The following STK3 variants were observed in gnomAD, a reference collection of about 807,000 sequenced individuals.
STK3 encodes the protein serine/threonine kinase 3, also known as serine/threonine-protein kinase 3.
In STK3, 41 loss-of-function variants were observed where a neutral mutation model predicts 58.0. The observed-to-expected ratio is 0.71, with a 90% CI of 0.55 to 0.92. The LOEUF (loss-of-function observed/expected upper bound fraction) is 0.92. Ranked by LOEUF, STK3 falls within the 40% of genes least tolerant of loss-of-function variation. The probability of loss-of-function intolerance (pLI) is 0.00; values close to 1 mark genes in which losing one functional copy is unlikely to be tolerated. For missense variants in STK3, 479 were observed against 602.7 expected (o/e 0.79, Z 2.15); for synonymous variants, 170 against 191.0 (o/e 0.89, Z 0.91).
At chr8:98,573,160 G>C (rs889072584) in intron 8 of STK3, among the ~76,000 whole-genome samples, 1 of 152,186 alleles carries the variant, frequency 6.6e-6, no homozygotes, top group Non-Finnish European at 1.5e-5. Flanking sequence ...AAAGTTTCAG[G>C]AAGGTAAGGG....
At chr8:98,618,869 C>A (rs1416054592) in intron 6 of STK3, among the ~76,000 whole-genome samples, 1 of 150,368 alleles carries the variant, frequency 6.7e-6, no homozygotes, top group South Asian at 2.1e-4. Context: ...GAATCAATAT[C>A]GTGAAAAAGG....
At chr8:98,518,877 A>T (rs181650053) in intron 10 of STK3, among the ~76,000 whole-genome samples, 1 of 152,250 alleles carries the variant, frequency 6.6e-6, no homozygotes, top group East Asian at 1.9e-4. Flanking sequence ...TATGCCACAT[A>T]CACTTGAGTT....
At chr8:98,898,258 C>G (rs909832371) in intron 1 of STK3, among the ~76,000 whole-genome samples, 1 of 152,216 alleles carries the variant, frequency 6.6e-6, no homozygotes, top group African/African-American at 2.4e-5. Flanking sequence ...CTACCCTTCT[C>G]TGTGTGAAAG....
rs1819460764 is a variant in STK3, at chr8:98,456,011, A to C, written c.1318-11T>G. On this transcript the variant is annotated splice_polypyrimidine_tract_variant and intron_variant, in intron 10 of 10. Coordinates refer to ENST00000419617, the MANE Select transcript of STK3 (RefSeq NM_006281.4). ...ACTTAGATTTTTCAACTAGATACAG[A>C]AAGAAAGATACCAATACAATGAAAT... is the stretch of plus-strand genomic sequence containing the variant. 2.5e-6 allele frequency: 4 copies of C among 1,594,600 alleles called. No individual in the cohort carries two copies. The highest frequency in any genetic ancestry group is 1.8e-5 in the Admixed American group (1 of 56,954).
At chr8:98,383,499 T>C (rs952715701) in intron 1 of STK3, among the ~76,000 whole-genome samples, 1 of 152,270 alleles carries the variant, frequency 6.6e-6, no homozygotes, top group Non-Finnish European at 1.5e-5. Flanking sequence ...CTCTTGTGAA[T>C]ACTGGCTCAC....
intron 4 of STK3, among the ~76,000 whole-genome samples, chr8:98,744,164 G>A (rs1468522090): frequency 2.0e-5 from 3 of 152,132 alleles, no homozygotes; most frequent in Middle Eastern, 3.2e-3. Context: ...ATTGTGGAAG[G>A]CAGTGTGGCG....
chr8:98,428,646 G>A lies in STK3; in HGVS notation n.483+5481C>T. The A allele has an allele frequency of 2.5e-6, 4 of 1,614,186 alleles. No individual in the cohort carries two copies. Among genetic ancestry groups the A allele is most frequent in the Non-Finnish European group, 3.4e-6 (4 of 1,180,036 alleles). On this transcript the variant is annotated intron_variant and non_coding_transcript_variant, in intron 3 of 3. Coordinates refer to the STK3 transcript ENST00000517832. This position sits in a 1 kb window ranked among gnomAD's most constrained non-coding sequence, Gnocchi z 6.7. ...CCCTGACAGCCAGGGCAACCCTGGC[G>A]AGGACCCTAGGTTCGAAATCGTGGA...
intron 10 of STK3, among the ~76,000 whole-genome samples, chr8:98,503,320 A>C (rs1440618559): frequency 3.3e-5 from 5 of 151,434 alleles, no homozygotes; most frequent in African/African-American, 1.2e-4. Flanking sequence ...TCTTGCTAGC[A>C]GTCTATTTTA....
chr8:98,663,788 A>G (rs925992985), intron 6 of STK3, among the ~76,000 whole-genome samples: 5 of 152,148 alleles, frequency 3.3e-5, no homozygotes, highest in African/African-American at 1.2e-4. Flanking sequence ...AGCAACCACC[A>G]CATTTTCTCA....
chr8:98,795,115 T>A (rs1301569097), intron 1 of STK3, among the ~76,000 whole-genome samples: 195 of 97,842 alleles, frequency 2.0e-3, no homozygotes, highest in African/African-American at 6.2e-3. Flanking sequence ...TATATATATA[T>A]ATATATATAT....
At chr8:98,414,445 A>T (rs1446478662) in intron 3 of STK3, among the ~76,000 whole-genome samples, 1 of 152,114 alleles carries the variant, frequency 6.6e-6, no homozygotes, top group Non-Finnish European at 1.5e-5. Context: ...TCAGGTCATG[A>T]TTATTATTTT....
At position 98,382,328 on chromosome 8, in the gene STK3, T is replaced by C. The variant is rs1438961804; in HGVS notation, n.57-3121A>G. On this transcript the variant is annotated intron_variant and non_coding_transcript_variant, in intron 1 of 2. Transcript: ENST00000518704. ...TTAGAAGAAAGGTCTTCCACACAAA[T>C]GCACATGATTTTGACGTTTGCTGAT... Among the ~76,000 whole-genome samples, 3 of 152,224 alleles carry C rather than the reference T, an allele frequency of 2.0e-5. No individual in the cohort carries two copies. The East Asian group carries it at 5.8e-4, about 29-fold the overall frequency.
chr8:98,660,121 A>G (rs1474512775), intron 6 of STK3, among the ~76,000 whole-genome samples: 1 of 152,100 alleles, frequency 6.6e-6, no homozygotes, highest in African/African-American at 2.4e-5. Context: ...TGCTAAATAC[A>G]GATGAAGCTT....
chr8:98,863,730 C>G (rs1287413420), intron 3 of STK3, among the ~76,000 whole-genome samples: 1 of 152,166 alleles, frequency 6.6e-6, no homozygotes. Flanking sequence ...TAGAAACAAC[C>G]ATTTAACTAT....
intron 3 of STK3, among the ~76,000 whole-genome samples, chr8:98,839,289 A>G (rs2131804175): frequency 6.6e-6 from 1 of 152,194 alleles, no homozygotes; most frequent in Middle Eastern, 3.4e-3. Context: ...GGCTCAAGCA[A>G]TCCTCCTGCC....
chr8:98,914,063 A>G (rs1386039869), intron 1 of STK3, among the ~76,000 whole-genome samples: 1 of 152,132 alleles, frequency 6.6e-6, no homozygotes, highest in Non-Finnish European at 1.5e-5. Flanking sequence ...TTCAAAAAAA[A>G]AAACAAAAAC....
intron 6 of STK3, among the ~76,000 whole-genome samples, chr8:98,695,998 A>G (rs2130987423): frequency 6.6e-6 from 1 of 152,198 alleles, no homozygotes; most frequent in Middle Eastern, 3.4e-3. Context: ...ACCCATGAGC[A>G]TGGAATGTTC....
chr8:98,624,747 G>A (rs546535003), intron 6 of STK3, among the ~76,000 whole-genome samples: 14 of 152,142 alleles, frequency 9.2e-5, no homozygotes, highest in Admixed American at 5.9e-4. Flanking sequence ...CCAGCTACTC[G>A]GGAAGCTGAG....
chr8:98,729,611 T>C (rs1268141043), intron 4 of STK3, among the ~76,000 whole-genome samples: 1 of 152,186 alleles, frequency 6.6e-6, no homozygotes, highest in African/African-American at 2.4e-5. Flanking sequence ...ATGTCCAAAA[T>C]GCAAAGACAC....
Sources: gnomAD v4.1 joint callset for allele counts (sites outside exome capture counted in the v4.1 genomes callset) on GRCh38, gnomAD v4.1.1 for gene constraint, Gnocchi (gnomAD v3.1) non-coding constraint, MANE v1.5 for transcripts, NCBI Gene and HGNC (gene_info 2026-07-23, HGNC 2026-07-21) for gene names.